The following CACNA1E variants were observed in gnomAD, a reference collection of about 807,000 sequenced individuals.
The protein encoded by CACNA1E is calcium voltage-gated channel subunit alpha1 E.
Under a neutral mutation model 259.2 loss-of-function variants are expected in CACNA1E, and 40 were observed. The ratio of observed to expected loss-of-function variants is 0.15; its 90% CI spans 0.12 to 0.20. The LOEUF (loss-of-function observed/expected upper bound fraction) is 0.20, where lower values mean the gene tolerates loss of function less well. CACNA1E is among the 10% of genes least tolerant of loss of function. CACNA1E has a pLI of 1.00. For synonymous variants in CACNA1E, 1,104 were observed against 1,138.5 expected, an observed-to-expected ratio of 0.97 and a Z score of 0.61; for missense variants, 1,874 against 3,040.1, an observed-to-expected ratio of 0.62 and a Z score of 9.02.
At chr1:181,478,119 G>A (rs1418144246) in intron 2 of CACNA1E, among the ~76,000 whole-genome samples, 1 of 152,248 alleles carries the variant, frequency 6.6e-6, no homozygotes, top group Non-Finnish European at 1.5e-5. Context: ...ACAAGTCCCT[G>A]ACTCTCTGGG....
intron 6 of CACNA1E, among the ~76,000 whole-genome samples, chr1:181,634,667 C>G (rs1399354500): frequency 6.6e-6 from 1 of 152,130 alleles, no homozygotes; most frequent in African/African-American, 2.4e-5. Context: ...TATGTGTATG[C>G]TAGCCTTGTG....
At chr1:181,526,403 A>G (rs1405746022) in intron 3 of CACNA1E, among the ~76,000 whole-genome samples, 2 of 132,948 alleles carry the variant, frequency 1.5e-5, no homozygotes, top group Non-Finnish European at 1.6e-5. Context: ...TAGTGGCTGC[A>G]TGGTCTGAAT....
At chr1:181,450,014 T>C (rs1242665685) in intron 2 of CACNA1E, among the ~76,000 whole-genome samples, 1 of 152,198 alleles carries the variant, frequency 6.6e-6, no homozygotes, top group Non-Finnish European at 1.5e-5. Flanking sequence ...CTCACAGTTC[T>C]GCAGGCTATA....
At chr1:181,470,338 G>A (rs148112654) in intron 2 of CACNA1E, among the ~76,000 whole-genome samples, 2 of 152,162 alleles carry the variant, frequency 1.3e-5, no homozygotes, top group East Asian at 3.9e-4. Context: ...ATAGGCATGT[G>A]CCAAAACACT....
In CACNA1E at chr1:181,781,291, T is replaced by A. The variant is rs1280527590; in HGVS notation, c.5268-136T>A. The stretch of plus-strand genomic sequence containing the variant: ...TCTTCTCCTGTTTTCTGTATTTTGT[T>A]CGTTTTTGCTCTCTGGGAATGCCTA... On this transcript the variant is annotated intron_variant, in intron 38 of 47. Coordinates refer to ENST00000367573, the MANE Select transcript of CACNA1E (RefSeq NM_001205293.3). 8 of 617,886 alleles carry A rather than the reference T, an allele frequency of 1.3e-5. 1 individual carries two copies. In the Admixed American group the frequency reaches 1.8e-4, roughly 14 times the overall value. 38.3% of individuals were successfully genotyped at this position (617,886 alleles called of 1,614,324 possible).
intron 12 of CACNA1E, among the ~76,000 whole-genome samples, 158 bp from the exon 13 acceptor site, chr1:181,719,593 C>T (rs1168294917): frequency 6.6e-6 from 1 of 152,172 alleles, no homozygotes; most frequent in Non-Finnish European, 1.5e-5. Context: ...GTGGCAGCTT[C>T]CCACATAGGT....
intron 3 of CACNA1E, among the ~76,000 whole-genome samples, chr1:181,526,374 C>T (rs1667358298): frequency 6.6e-6 from 1 of 151,158 alleles, no homozygotes; most frequent in South Asian, 2.1e-4. Flanking sequence ...TGCTACACTG[C>T]CTTCCTAATT....
intron 6 of CACNA1E, among the ~76,000 whole-genome samples, chr1:181,626,280 T>TA (rs1402405137): frequency 6.6e-6 from 1 of 152,150 alleles, no homozygotes; most frequent in African/African-American, 2.4e-5. Context: ...CTCAGGGTTG[T>TA]AAAAAATGCA....
At chr1:181,558,717 T>C (rs866284788) in intron 3 of CACNA1E, among the ~76,000 whole-genome samples, 1 of 152,180 alleles carries the variant, frequency 6.6e-6, no homozygotes, top group African/African-American at 2.4e-5. Context: ...CATGGAAGGA[T>C]TGGAGGATTT....
In CACNA1E at chr1:181,796,795, G is replaced by A. The variant is rs1661845960; in HGVS notation, c.6336G>A (p.Glu2112=). The part of the protein sequence containing the change: ...SEERGTQADW[E]SPERRQSRSP... Reference sequence around the variant, plus strand: ...AGCGAGGGACCCAGGCTGACTGGGAGTCCCCAGAGCGCCGTCAATCCAGGT... The same window carrying A: ...AGCGAGGGACCCAGGCTGACTGGGAATCCCCAGAGCGCCGTCAATCCAGGT... The change falls in exon 47 of 48, where the codon GAG becomes GAA. Residue 2112 remains glutamate (E), a synonymous_variant. Coordinates refer to ENST00000367573, the MANE Select transcript of CACNA1E (RefSeq NM_001205293.3). The A allele has an allele frequency of 4.3e-6, 7 of 1,611,566 alleles. No individual in the cohort carries two copies. Among genetic ancestry groups the A allele is most frequent in the Middle Eastern group, 1.7e-4 (1 of 6,056 alleles).
intron 1 of CACNA1E, among the ~76,000 whole-genome samples, chr1:181,496,056 A>T (rs1470143650): frequency 6.6e-6 from 1 of 152,232 alleles, no homozygotes; most frequent in East Asian, 1.9e-4. Context: ...TCGTGCTCTT[A>T]ATCACTGAAG....
At chr1:181,747,898 A>G (rs1030451255) in intron 25 of CACNA1E, among the ~76,000 whole-genome samples, 12 of 152,198 alleles carry the variant, frequency 7.9e-5, no homozygotes, top group Admixed American at 7.2e-4. Flanking sequence ...TGTAAATTAT[A>G]TTTTAACTAA....
rs1227893948 is a variant in CACNA1E, at chr1:181,511,363, C to T, written c.373-8C>T. ...TCTCACTGGTGCTTCTGCTCCTCAT[C>T]CCCACAGGAGAAGACAGAACCTTAT... On this transcript the variant is annotated splice_region_variant and splice_polypyrimidine_tract_variant and intron_variant, in intron 2 of 47. Transcript: ENST00000367573. 2 of 1,613,850 alleles carry T rather than the reference C, an allele frequency of 1.2e-6. No homozygotes were observed. The highest frequency in any genetic ancestry group is 8.5e-7 in the Non-Finnish European group (1 of 1,179,808).
chr1:181,637,855 G>A (rs1657381549), intron 6 of CACNA1E, among the ~76,000 whole-genome samples: 1 of 152,166 alleles, frequency 6.6e-6, no homozygotes, highest in Non-Finnish European at 1.5e-5. Flanking sequence ...GAAAAGGTAG[G>A]AAAGGCATTA....
intron 1 of CACNA1E, among the ~76,000 whole-genome samples, chr1:181,326,340 A>G (rs1222340907): frequency 6.6e-6 from 1 of 152,212 alleles, no homozygotes; most frequent in African/African-American, 2.4e-5. Flanking sequence ...ATTTCTGACG[A>G]TATCTGTTAC....
At chr1:181,540,022 C>G (rs574909187) in intron 3 of CACNA1E, among the ~76,000 whole-genome samples, 2 of 152,188 alleles carry the variant, frequency 1.3e-5, no homozygotes, top group African/African-American at 4.8e-5. Context: ...TTATCATCAC[C>G]ATCAGCAGAT....
intron 1 of CACNA1E, among the ~76,000 whole-genome samples, chr1:181,383,009 C>T (rs1655572287): frequency 6.6e-6 from 1 of 152,188 alleles, no homozygotes; most frequent in African/African-American, 2.4e-5. Flanking sequence ...GGACAGCTGC[C>T]TCCTCTTCTG....
At position 181,800,916 on chromosome 1, in the gene CACNA1E, C is replaced by T. The variant is rs1662221900; in HGVS notation, c.*2082C>T. The T allele has an allele frequency of 1.3e-5, 2 of 152,656 alleles. No homozygotes were observed. Among genetic ancestry groups the T allele is most frequent in the African/African-American group, 2.4e-5 (1 of 41,444 alleles). 9.5% of individuals were successfully genotyped at this position (152,656 alleles called of 1,614,324 possible). On this transcript the variant is annotated 3_prime_UTR_variant, in exon 48 of 48. Coordinates refer to ENST00000367573, the MANE Select transcript of CACNA1E (RefSeq NM_001205293.3). ...CCAGTGAGGCAGAGACAGAGCTCTC[C>T]CACTCTCAGACCCTCTTTTGTCTTC...
chr1:181,773,195 C>T (rs1039425052), intron 37 of CACNA1E, among the ~76,000 whole-genome samples: 1 of 152,316 alleles, frequency 6.6e-6, no homozygotes, highest in African/African-American at 2.4e-5. Context: ...ACTGAAACTT[C>T]CCACATGTCC....
Sources: gnomAD v4.1 joint callset for allele counts (sites outside exome capture counted in the v4.1 genomes callset) on GRCh38, gnomAD v4.1.1 for gene constraint, MANE v1.5 for transcripts, NCBI Gene and HGNC (gene_info 2026-07-23, HGNC 2026-07-21) for gene names.